The following CREB5 variants were observed in gnomAD, a reference collection of about 807,000 sequenced individuals.
The protein encoded by CREB5 is cyclic AMP-responsive element-binding protein 5.
In CREB5, 19 loss-of-function variants were observed where a neutral mutation model predicts 57.1. The observed-to-expected ratio is 0.33, with a 90% CI of 0.23 to 0.49. The LOEUF is 0.49. CREB5 is among the 20% of genes least tolerant of loss of function. The pLI, the probability that CREB5 is intolerant of heterozygous loss-of-function variation, is 0.99. For missense variants in CREB5, 579 were observed against 671.6 expected (o/e 0.86, Z 1.52); for synonymous variants, 238 against 238.3 (o/e 1.00, Z 0.01).
chr7:28,697,406 G>T (rs757163654), intron 5 of CREB5, among the ~76,000 whole-genome samples: 1 of 152,020 alleles, frequency 6.6e-6, no homozygotes, highest in Non-Finnish European at 1.5e-5. Context: ...TTCAAACTGA[G>T]GGTACCCTCA....
At chr7:28,474,252 G>A (rs1790961842) in intron 1 of CREB5, among the ~76,000 whole-genome samples, 1 of 152,180 alleles carries the variant, frequency 6.6e-6, no homozygotes. Context: ...AGGAAATCTG[G>A]AGAATAAGTG....
chr7:28,649,602 G>A (rs7776861), intron 5 of CREB5, among the ~76,000 whole-genome samples: 46,610 of 151,868 alleles, frequency 0.31, 8,111 homozygotes, highest in African/African-American at 0.48. Context: ...AACCCGCTTG[G>A]AATGTATTTG....
intron 1 of CREB5, among the ~76,000 whole-genome samples, chr7:28,460,269 G>A (rs963412014): frequency 1.3e-5 from 2 of 152,042 alleles, no homozygotes; most frequent in Non-Finnish European, 2.9e-5. Context: ...AAGGCAAAAG[G>A]GAGAGGATAA....
intron 1 of CREB5, among the ~76,000 whole-genome samples, chr7:28,355,197 C>T (rs910202550): frequency 2.0e-5 from 3 of 152,210 alleles, no homozygotes; most frequent in African/African-American, 7.2e-5. Flanking sequence ...GTTATGGTGA[C>T]AGGTTACAAG....
At chr7:28,315,516 A>G (rs1785360319) in intron 1 of CREB5, among the ~76,000 whole-genome samples, 1 of 152,238 alleles carries the variant, frequency 6.6e-6, no homozygotes, top group Admixed American at 6.5e-5. Context: ...GCAAAAGCAG[A>G]CAGGAGACAC....
At chr7:28,446,048 C>G (rs989624713) in intron 1 of CREB5, among the ~76,000 whole-genome samples, 37 of 152,336 alleles carry the variant, frequency 2.4e-4, no homozygotes, top group Admixed American at 1.1e-3. Flanking sequence ...AGCTGGAGCA[C>G]CTTTCCTGAA....
At chr7:28,550,126 A>G (rs1387308672) in intron 4 of CREB5, among the ~76,000 whole-genome samples, 1 of 145,328 alleles carries the variant, frequency 6.9e-6, no homozygotes, top group Admixed American at 6.8e-5. Flanking sequence ...TCCTTTTCTT[A>G]CTCCTCTTCT....
chr7:28,368,643 A>C (rs1182436111), intron 1 of CREB5, among the ~76,000 whole-genome samples: 1 of 152,066 alleles, frequency 6.6e-6, no homozygotes, highest in Non-Finnish European at 1.5e-5. Context: ...TTGCTACCTC[A>C]TTTTCTTTCC....
At chr7:28,480,715 TG>T (rs1791287836) in intron 1 of CREB5, among the ~76,000 whole-genome samples, 1 of 152,242 alleles carries the variant, frequency 6.6e-6, no homozygotes, top group Non-Finnish European at 1.5e-5. Flanking sequence ...GTTTTAGAGA[TG>T]TGATGTCTTC....
At chr7:28,520,136 G>T (rs1307157951) in intron 4 of CREB5, among the ~76,000 whole-genome samples, 4 of 152,188 alleles carry the variant, frequency 2.6e-5, no homozygotes, top group Non-Finnish European at 4.4e-5. Flanking sequence ...CATCCGCCTG[G>T]ATTACTGGCT....
chr7:28,749,349 C>T (rs1455954252), intron 7 of CREB5: 1 of 152,248 alleles, frequency 6.6e-6, no homozygotes, highest in African/African-American at 2.4e-5. Flanking sequence ...GGGCACACCG[C>T]CCTGATGGAT....
chr7:28,529,207 A>G (rs564967830), intron 4 of CREB5, among the ~76,000 whole-genome samples: 13 of 152,276 alleles, frequency 8.5e-5, no homozygotes, highest in South Asian at 6.2e-4. Context: ...CCCTGGAGGG[A>G]TCTGGGCTCC....
At chr7:28,595,962 T>C (rs1016913546) in intron 5 of CREB5, among the ~76,000 whole-genome samples, 1 of 152,200 alleles carries the variant, frequency 6.6e-6, no homozygotes, top group Non-Finnish European at 1.5e-5. Context: ...AAATATGATA[T>C]TTGGTCTCAC....
chr7:28,729,780 G>A (rs1803515384), intron 7 of CREB5, among the ~76,000 whole-genome samples: 2 of 152,336 alleles, frequency 1.3e-5, no homozygotes, highest in South Asian at 2.1e-4. Flanking sequence ...TAGGAAAGAA[G>A]TGCTATTGAC....
chr7:28,506,268 A>G (rs1792475559), intron 3 of CREB5, among the ~76,000 whole-genome samples: 1 of 152,250 alleles, frequency 6.6e-6, no homozygotes, highest in Non-Finnish European at 1.5e-5. Context: ...TATTCTCTGT[A>G]TGATTTAGAA....
rs76481265 is a variant in CREB5 at position 28,323,484 on chromosome 7, C to G, written c.-25+24043C>G. Among the ~76,000 whole-genome samples, 975 of 152,194 alleles carry G rather than the reference C, an allele frequency of 6.4e-3. 3 individuals carry two copies. Among genetic ancestry groups the G allele is most frequent in the African/African-American group, 0.022 (918 of 41,524 alleles). ...TTTTCAGCAGTTAATCTACCCATAC[C>G]CTTTTCCTTTCCTTCTTGTGTCATA... is the stretch of plus-strand genomic sequence containing the variant. On this transcript the variant is annotated intron_variant, in intron 1 of 9. Transcript: ENST00000396299.
chr7:28,434,008 A>T (rs920661623), intron 1 of CREB5, among the ~76,000 whole-genome samples: 3 of 152,072 alleles, frequency 2.0e-5, no homozygotes, highest in Admixed American at 6.6e-5. Flanking sequence ...AGACCTCTAG[A>T]GGGTCAGTAG....
intron 5 of CREB5, among the ~76,000 whole-genome samples, chr7:28,571,524 T>C (rs1366238770): frequency 2.6e-5 from 4 of 152,106 alleles, no homozygotes; most frequent in Admixed American, 6.5e-5. Context: ...TACTGAGGCA[T>C]TGAGGAAAAA....
chr7:28,527,816 T>C (rs1161168064), intron 4 of CREB5, among the ~76,000 whole-genome samples: 3 of 152,140 alleles, frequency 2.0e-5, no homozygotes. Context: ...AGATCCTGTC[T>C]CAAAAAAATT....
Sources: allele counts gnomAD v4.1 joint callset (sites outside exome capture counted in the v4.1 genomes callset), GRCh38; gene constraint gnomAD v4.1.1; transcripts MANE v1.5; gene names NCBI Gene and HGNC (gene_info 2026-07-23, HGNC 2026-07-21).